The following DLG5 variants were observed in gnomAD, a reference collection of about 807,000 sequenced individuals.
DLG5 encodes disks large homolog 5.
A neutral mutation model predicts 189.8 loss-of-function variants in DLG5; 48 were observed. The ratio of observed to expected loss-of-function variants is 0.25; its 90% CI spans 0.20 to 0.32. DLG5 has a LOEUF of 0.32. Among genes scored for constraint, DLG5 ranks in the 10% least tolerant of loss-of-function variants. DLG5 has a pLI of 1.00. For missense variants in DLG5, 2,160 were observed against 2,544.7 expected (o/e 0.85, Z 3.25); for synonymous variants, 1,016 against 1,054.1 (o/e 0.96, Z 0.70).
upstream of DLG5, chr10:77,928,024 C>T (rs1344958131): frequency 6.6e-6 from 1 of 152,184 alleles, no homozygotes; most frequent in Non-Finnish European, 1.5e-5. Flanking sequence ...GCAGTGTCTT[C>T]TTAGTCTGCT....
chr10:77,925,900 G>GA (rs1345845523), intron 1 of DLG5, among the ~76,000 whole-genome samples: 2 of 152,196 alleles, frequency 1.3e-5, no homozygotes, highest in Non-Finnish European at 2.9e-5. Flanking sequence ...AGGAGCCTCA[G>GA]AAAAGGGACT....
chr10:77,872,141 T>C (rs1345795247), intron 1 of DLG5, among the ~76,000 whole-genome samples: 3 of 152,226 alleles, frequency 2.0e-5, no homozygotes, highest in Non-Finnish European at 1.5e-5. Flanking sequence ...GAAATCTCTA[T>C]GCTCAACCCA....
intron 1 of DLG5, among the ~76,000 whole-genome samples, chr10:77,883,422 T>A (rs992879175): frequency 6.6e-5 from 10 of 152,090 alleles, no homozygotes; most frequent in Admixed American, 5.9e-4. Context: ...AGAAAATCCC[T>A]GTGAAGACAG....
intron 1 of DLG5, among the ~76,000 whole-genome samples, chr10:77,910,392 T>G (rs1846185100): frequency 6.6e-6 from 1 of 152,190 alleles, no homozygotes; most frequent in African/African-American, 2.4e-5. Flanking sequence ...ATAAAAGATT[T>G]TTTTCATTGA....
chr10:77,921,940 G>A (rs751692306), intron 1 of DLG5, among the ~76,000 whole-genome samples: 3 of 152,202 alleles, frequency 2.0e-5, no homozygotes, highest in Non-Finnish European at 4.4e-5. Flanking sequence ...AATGACTTGA[G>A]GAGTCCCACA....
chr10:77,828,570 C>G (rs971619906), intron 13 of DLG5, among the ~76,000 whole-genome samples: 17 of 150,982 alleles, frequency 1.1e-4, no homozygotes, highest in Admixed American at 2.0e-4. Flanking sequence ...CCCGCTTAGG[C>G]CTTTGGAGGT....
At chr10:77,878,548 T>C (rs1845176682) in intron 1 of DLG5, among the ~76,000 whole-genome samples, 1 of 152,188 alleles carries the variant, frequency 6.6e-6, no homozygotes. Context: ...CTGGAGTGTT[T>C]TGCTGGTTAG....
chr10:77,820,174 C>T lies in DLG5; in HGVS notation c.3403-156G>A, dbSNP rs1159185615. The T allele has an allele frequency of 1.6e-5, 16 of 994,524 alleles. No individual in the cohort carries two copies. The South Asian group carries it at 2.1e-4, about 13-fold the overall frequency. The allele number at this position is 994,524 out of a possible 1,614,324, so 61.6% of individuals were successfully genotyped here. A position where few individuals can be genotyped will look rare whatever the true frequency, so the allele number is the denominator to read the frequency against. ...CACCCTGGCCAACATGGCGAAATCC[C>T]GTCTCTACCAAAAATACAAAAATTA... On this transcript the variant is annotated intron_variant, in intron 15 of 31. Transcript: ENST00000372391.
At chr10:77,926,872 C>T (rs1258287449), upstream of DLG5, 1 of 317,046 alleles carries the variant, frequency 3.2e-6, no homozygotes, top group African/African-American at 2.3e-5. The surrounding 1 kb of genome is among the most constrained non-coding windows in gnomAD (Gnocchi z 5.2). Flanking sequence ...CCCTCAGCCT[C>T]CGCGCGCGCC....
At chr10:77,895,494 A>C (rs562054752) in intron 1 of DLG5, among the ~76,000 whole-genome samples, 65 of 152,300 alleles carry the variant, frequency 4.3e-4, no homozygotes, top group South Asian at 2.1e-3. Context: ...CTGAGTATAG[A>C]AAAGAATTTG....
At chr10:77,894,630 C>T (rs1294448718) in intron 1 of DLG5, among the ~76,000 whole-genome samples, 1 of 143,212 alleles carries the variant, frequency 7.0e-6, no homozygotes, top group Non-Finnish European at 1.5e-5. Context: ...AGGATGGAAG[C>T]AGCCCTCTCT....
At chr10:77,909,383 A>C (rs920192501) in intron 1 of DLG5, among the ~76,000 whole-genome samples, 12 of 152,178 alleles carry the variant, frequency 7.9e-5, no homozygotes, top group African/African-American at 2.9e-4. Flanking sequence ...GAGGGATAGC[A>C]ACAGAAGAAA....
At chr10:77,872,533 G>A (rs1240497841) in intron 1 of DLG5, among the ~76,000 whole-genome samples, 1 of 152,178 alleles carries the variant, frequency 6.6e-6, no homozygotes, top group East Asian at 1.9e-4. Context: ...GGTGGGGGGA[G>A]TGGTTAAAAT....
At chr10:77,867,043 G>A (rs1844709488) in intron 2 of DLG5, 1 of 457,058 alleles carries the variant, frequency 2.2e-6, no homozygotes, top group Admixed American at 2.3e-5. Context: ...CTGCCTGCCT[G>A]TGATGCCCAG....
At chr10:77,804,687 C>A (rs1568120704) in intron 27 of DLG5, among the ~76,000 whole-genome samples, 1 of 152,212 alleles carries the variant, frequency 6.6e-6, no homozygotes, top group African/African-American at 2.4e-5. Flanking sequence ...GGATGTCTGA[C>A]ATCTCCTATC....
intron 3 of DLG5, among the ~76,000 whole-genome samples, chr10:77,854,921 C>T (rs1001454173): frequency 6.6e-6 from 1 of 150,574 alleles, no homozygotes; most frequent in African/African-American, 2.5e-5. Context: ...CCCAGGAGGT[C>T]GAGGATGCAG....
intron 27 of DLG5, among the ~76,000 whole-genome samples, chr10:77,804,889 C>A (rs1841393304): frequency 6.6e-6 from 1 of 152,214 alleles, no homozygotes; most frequent in South Asian, 2.1e-4. Flanking sequence ...TTCTTGCCTA[C>A]CCAATAGCTA....
rs758049659 is a variant in DLG5, at chr10:77,796,533, G to C, written c.5226C>G (p.Val1742=). ...CGTCCAGCAAAGGCCCCAGAATCAG[G>C]ACAGGCCTCAGAGCGGTGCAGTCCA... ...QKVDCTALRP[V]LILGPLLDVV... The change falls in exon 28 of 32, where the codon GTC becomes GTG. Residue 1742 remains valine, a synonymous_variant. Transcript: ENST00000372391. The surrounding 1 kb of genome is among the most constrained non-coding windows in gnomAD (Gnocchi z 5.2). 1.2e-6 allele frequency: 2 copies of C among 1,614,150 alleles called. No individual in the cohort carries two copies. Among genetic ancestry groups the C allele is most frequent in the Non-Finnish European group, 1.7e-6 (2 of 1,180,034 alleles).
rs1842840340 is a variant in DLG5 at position 77,830,343 on chromosome 10, T to C, written c.1883A>G (p.Glu628Gly). 6.2e-7 allele frequency: 1 copy of C among 1,614,038 alleles called. No individual in the cohort carries two copies. The highest frequency in any genetic ancestry group is 1.7e-5 in the Admixed American group (1 of 59,976). Residue 628 changes from glutamate (E) to glycine (G), a missense_variant and splice_region_variant, in exon 11 of 32, where the codon GAG (glutamate) becomes GGG (glycine). Glu to Gly is a moderately conservative substitution (Grantham distance 98). Coordinates refer to ENST00000372391, the MANE Select transcript of DLG5 (RefSeq NM_004747.4). ...TEVVEFERET[E>G]DIDLKALGFD... ...CCCCAGTGCCTTCAAGTCAATATCC[T>C]CCTGCAAAAACAGCAGCAACAGCAA...
Sources: allele counts gnomAD v4.1 joint callset (sites outside exome capture counted in the v4.1 genomes callset), GRCh38; gene constraint gnomAD v4.1.1; non-coding constraint Gnocchi (gnomAD v3.1); transcripts MANE v1.5; gene names NCBI Gene and HGNC (gene_info 2026-07-23, HGNC 2026-07-21).